Variants in TMEM63B observed in about 807,000 individuals in gnomAD.
TMEM63B encodes the protein transmembrane protein 63B.
Under a neutral mutation model 102.6 loss-of-function variants are expected in TMEM63B, and 23 were observed. The observed-to-expected ratio is 0.22, with a 90% CI of 0.16 to 0.32. The LOEUF is 0.32. Ranked by LOEUF, TMEM63B falls within the 10% of genes least tolerant of loss-of-function variation. The pLI, the probability that TMEM63B is intolerant of heterozygous loss-of-function variation, is 1.00. For synonymous variants in TMEM63B, 444 were observed against 437.0 expected, an observed-to-expected ratio of 1.02 and a Z score of -0.20; for missense variants, 628 against 1,095.9, an observed-to-expected ratio of 0.57 and a Z score of 6.03.
intron 12 of TMEM63B, 84 bp downstream of exon 12, chr6:44,147,584 C>A: frequency 6.5e-7 from 1 of 1,537,626 alleles, no homozygotes. Flanking sequence ...TCAGTGAGTC[C>A]CCACCTGTCC....
chr6:44,135,627 C>A (rs1762786433), intron 4 of TMEM63B, among the ~76,000 whole-genome samples: 1 of 152,170 alleles, frequency 6.6e-6, no homozygotes, highest in South Asian at 2.1e-4. Flanking sequence ...GCCTATGCAG[C>A]CCTTGTTGGC....
chr6:44,139,962 G>A (rs936654142), intron 8 of TMEM63B, among the ~76,000 whole-genome samples: 1 of 152,142 alleles, frequency 6.6e-6, no homozygotes, highest in African/African-American at 2.4e-5. Context: ...AGAAGAGGAG[G>A]GTGAAATCTC....
In TMEM63B at chr6:44,154,455, C is replaced by T. The variant is rs370617738; in HGVS notation, c.2307+10C>T. ...TGTCCCCAAATCTGCGGTGAGTGCC[C>T]TCAAGGGTTGGGAGGGGCCTCTGAC... On this transcript the variant is annotated intron_variant, in intron 23 of 23. Transcript: ENST00000323267. 1.9e-6 allele frequency: 3 copies of T among 1,613,800 alleles called. No individual in the cohort carries two copies. The African/African-American group carries it at 4.0e-5, about 22-fold the overall frequency.
intron 10 of TMEM63B, among the ~76,000 whole-genome samples, chr6:44,142,360 T>G (rs919170588): frequency 6.6e-6 from 1 of 150,694 alleles, no homozygotes; most frequent in Non-Finnish European, 1.5e-5. Context: ...TGAAACCTTG[T>G]CTCTACTGAA....
chr6:44,141,864 G>A (rs1247503733), intron 10 of TMEM63B, among the ~76,000 whole-genome samples: 1 of 152,216 alleles, frequency 6.6e-6, no homozygotes, highest in African/African-American at 2.4e-5. Flanking sequence ...GCTCATGGCT[G>A]TAATCCCAGC....
Position 44,155,040 on chromosome 6 carries a change from C to CCA in TMEM63B, c.*157_*158insCA, listed in dbSNP as rs1360239719. ...ACTTGGGGGTTTCACTGCTCTCCCC[C>CCA]ATGATGGAGGGAGGGAGCCCCCCAA... On this transcript the variant is annotated 3_prime_UTR_variant, in exon 24 of 24. Transcript: ENST00000323267. 2 of 711,500 alleles carry CCA rather than the reference C, an allele frequency of 2.8e-6. No individual in the cohort carries two copies. The highest frequency in any genetic ancestry group is 3.9e-5 in the Admixed American group (1 of 25,938). The allele number at this position is 711,500 out of a possible 1,614,324, so 44.1% of individuals were successfully genotyped here.
At chr6:44,146,571 C>T (rs1765459868) in intron 10 of TMEM63B, among the ~76,000 whole-genome samples, 1 of 152,052 alleles carries the variant, frequency 6.6e-6, no homozygotes, top group Non-Finnish European at 1.5e-5. Flanking sequence ...CTGCCTCAGC[C>T]TCCTGAGTAG....
intron 12 of TMEM63B, among the ~76,000 whole-genome samples, 183 bp downstream of exon 12, chr6:44,147,683 T>G (rs1259759928): frequency 1.3e-5 from 2 of 152,214 alleles, no homozygotes. Flanking sequence ...TTAGAAAATG[T>G]CAGCCAAAAG....
rs376662711 is a variant in TMEM63B at position 44,147,452 on chromosome 6, C to T, written c.939C>T (p.Pro313=). 3 of 1,614,038 alleles carry T rather than the reference C, an allele frequency of 1.9e-6. No individual in the cohort carries two copies. Among genetic ancestry groups the T allele is most frequent in the African/African-American group, 1.3e-5 (1 of 74,898 alleles). ...AGAACGTGCCTACCATGATCAACCC[C>T]AAGCCCTGTGGCCACCTCTGCTGCT... ...SKENVPTMIN[P]KPCGHLCCCV... is the part of the protein sequence containing the mutation. Residue 313 remains proline, a synonymous_variant, in exon 12 of 24, where the codon CCC becomes CCT. Transcript: ENST00000323267.
rs190535466 is a variant in TMEM63B at position 44,138,361 on chromosome 6, A to G, written c.370-119A>G. ...TCTGAGGGTATAAGGATTTTTTTTT[A>G]GTGAGGGGTGTGGAAGCTATGCCTG... On this transcript the variant is annotated intron_variant, in intron 5 of 23. Coordinates refer to ENST00000323267, the MANE Select transcript of TMEM63B (RefSeq NM_018426.3). 2.7e-4 allele frequency: 337 copies of G among 1,250,346 alleles called. 2 individuals are homozygous for G. The African/African-American group carries it at 4.6e-3, about 17-fold the overall frequency. The allele number at this position is 1,250,346 out of a possible 1,614,324, so 77.5% of individuals were successfully genotyped here.
chr6:44,152,570 C>CTCCCCCCCAGCCCGT lies in TMEM63B; in HGVS notation c.1837-23_1837-22insTCCCCCCCAGCCCGT, dbSNP rs750960707. 55 of 1,592,318 alleles carry CTCCCCCCCAGCCCGT rather than the reference C, an allele frequency of 3.5e-5. No individual in the cohort carries two copies. In the Admixed American group the frequency reaches 7.0e-4, roughly 20 times the overall value. ...GTCAGTCCCTGCCTCCCTGAGCCAT[C>CTCCCCCCCAGCCCGT]CTCCTGCCCGTCTCCCCCCCAGCAT... On this transcript the variant is annotated intron_variant, in intron 19 of 23. Coordinates refer to ENST00000323267, the MANE Select transcript of TMEM63B (RefSeq NM_018426.3). This position sits in a 1 kb window ranked among gnomAD's most constrained non-coding sequence, Gnocchi z 6.4.
At chr6:44,147,552 A>T (rs981837119) in intron 12 of TMEM63B, 52 bp downstream of exon 12, 15 of 1,599,226 alleles carry the variant, frequency 9.4e-6, no homozygotes, top group Non-Finnish European at 1.3e-5. Context: ...GGTCCTGGGC[A>T]GGCAAGGCTG....
chr6:44,135,228 G>C lies in TMEM63B; in HGVS notation c.240-100G>C, dbSNP rs764098656. ...ATGAGAAGGGACTAGCCCCAATGTG[G>C]GCATGGGGGCATGAGGGCCCTAAGT... On this transcript the variant is annotated intron_variant, in intron 3 of 23. Coordinates refer to ENST00000323267, the MANE Select transcript of TMEM63B (RefSeq NM_018426.3). The C allele has an allele frequency of 4.6e-5, 71 of 1,553,100 alleles. 1 individual carries two copies. The highest frequency in any genetic ancestry group is 1.7e-4 in the Middle Eastern group (1 of 5,926).
At position 44,139,538 on chromosome 6, in the gene TMEM63B, G is replaced by A; in HGVS notation, c.479G>A (p.Gly160Glu). 6.2e-7 allele frequency: 1 copy of A among 1,614,220 alleles called. No homozygotes were observed. The highest frequency in any genetic ancestry group is 8.5e-7 in the Non-Finnish European group (1 of 1,180,046). Residue 160 changes from glycine (G) to glutamate (E), a missense_variant, in exon 7 of 24, where the codon GGG becomes GAG. This residue lies in a region of TMEM63B where 336 missense variants were observed against 580.3 expected (regional missense o/e 0.58). Coordinates refer to ENST00000323267, the MANE Select transcript of TMEM63B (RefSeq NM_018426.3). ...CTGTCCTTTCAGCGGCACATCATCG[G>A]GCTGCTGGTGGTTGTGGGCGTCCTC... ...HYLSFQRHII[G>E]LLVVVGVLSV...
At chr6:44,147,276 A>G in intron 11 of TMEM63B, 101 bp from the exon 12 acceptor site, 1 of 1,581,578 alleles carries the variant, frequency 6.3e-7, no homozygotes, top group Non-Finnish European at 8.6e-7. Context: ...ATCCTAAACA[A>G]GAACAAGACA....
At chr6:44,138,713 A>G in intron 6 of TMEM63B, 196 bp downstream of exon 6, 1 of 422,026 alleles carries the variant, frequency 2.4e-6, no homozygotes, top group Non-Finnish European at 4.4e-6. Context: ...TGACCCCATA[A>G]TCTCCTCTGT....
chr6:44,143,465 T>C (rs1764703450), intron 10 of TMEM63B, among the ~76,000 whole-genome samples: 1 of 152,218 alleles, frequency 6.6e-6, no homozygotes, highest in East Asian at 1.9e-4. Flanking sequence ...GTGACATCTT[T>C]TTTTTTTCTC....
rs184178596 is a variant in TMEM63B at position 44,138,387 on chromosome 6, G to A, written c.370-93G>A. 55 of 1,509,714 alleles carry A rather than the reference G, an allele frequency of 3.6e-5. 1 individual carries two copies. Among genetic ancestry groups the A allele is most frequent in the Non-Finnish European group, 4.3e-5 (47 of 1,085,998 alleles). The allele number at this position is 1,509,714 out of a possible 1,614,324, so 93.5% of individuals were successfully genotyped here. A position where few individuals can be genotyped will look rare whatever the true frequency, so the allele number is the denominator to read the frequency against. On this transcript the variant is annotated intron_variant, in intron 5 of 23. Transcript: ENST00000323267. ...GTGAGGGGTGTGGAAGCTATGCCTG[G>A]AGGTAATTATGAGAATGGGTGGGAC...
intron 4 of TMEM63B, 120 bp downstream of exon 4, chr6:44,135,486 C>G: frequency 7.7e-7 from 1 of 1,290,610 alleles, no homozygotes; most frequent in Non-Finnish European, 1.1e-6. Flanking sequence ...CCTCTGCAGG[C>G]TCATGTTTCG....
Sources: allele counts gnomAD v4.1 joint callset (sites outside exome capture counted in the v4.1 genomes callset), GRCh38; gene constraint gnomAD v4.1.1; regional missense constraint gnomAD v4.1.1; non-coding constraint Gnocchi (gnomAD v3.1); transcripts MANE v1.5; gene names NCBI Gene and HGNC (gene_info 2026-07-23, HGNC 2026-07-21).